Variants in NCKAP5 observed in about 807,000 individuals in gnomAD.
NCKAP5 encodes NCK associated protein 5, also known as nck-associated protein 5.
Under a neutral mutation model 167.0 loss-of-function variants are expected in NCKAP5, and 92 were observed. That is an observed-to-expected ratio of 0.55 (90% CI 0.47 to 0.66). The LOEUF is 0.66. NCKAP5 is among the 30% of genes least tolerant of loss of function. The pLI is 0.00. For synonymous variants in NCKAP5, 891 were observed against 877.4 expected (o/e 1.02, Z -0.27); for missense variants, 2,378 against 2,315.0 (o/e 1.03, Z -0.56).
chr2:133,174,363 T>A (rs957498349), intron 5 of NCKAP5, among the ~76,000 whole-genome samples: 4 of 152,182 alleles, frequency 2.6e-5, no homozygotes, highest in African/African-American at 9.7e-5. Flanking sequence ...TGTAGTAGGC[T>A]CTACCAGGTC....
intron 5 of NCKAP5, among the ~76,000 whole-genome samples, chr2:133,134,683 C>T (rs1209676640): frequency 6.6e-6 from 1 of 152,212 alleles, no homozygotes; most frequent in Non-Finnish European, 1.5e-5. Flanking sequence ...GTCTATACCT[C>T]ATAGCCTACA....
chr2:133,038,959 T>C (rs950802427), intron 6 of NCKAP5, among the ~76,000 whole-genome samples: 13 of 152,088 alleles, frequency 8.5e-5, no homozygotes, highest in South Asian at 8.3e-4. Context: ...TCCAAAAACA[T>C]TGCACACATC....
chr2:132,729,025 G>C (rs1297714390), intron 17 of NCKAP5, 73 bp from the exon 18 acceptor site: 1 of 1,574,596 alleles, frequency 6.4e-7, no homozygotes, highest in Admixed American at 1.8e-5. Flanking sequence ...GAAGGAGGTG[G>C]GGGAGACATT....
chr2:133,102,432 C>A (rs2081545408), intron 6 of NCKAP5, among the ~76,000 whole-genome samples: 3 of 152,308 alleles, frequency 2.0e-5, no homozygotes, highest in South Asian at 4.1e-4. Flanking sequence ...CAGGCATGAG[C>A]CATCACGCCT....
the NCKAP5 span, among the ~76,000 whole-genome samples, chr2:133,634,869 T>C: frequency 6.7e-6 from 1 of 149,946 alleles, no homozygotes; most frequent in Non-Finnish European, 1.5e-5. Context: ...TTCTTTCTTT[T>C]CTTTCTTTTT....
At chr2:133,120,049 G>T (rs556672403) in intron 6 of NCKAP5, among the ~76,000 whole-genome samples, 1 of 152,026 alleles carries the variant, frequency 6.6e-6, no homozygotes. Flanking sequence ...CTGCTAAAGC[G>T]GTTACAGAAA....
chr2:133,024,946 C>T (rs1443936676), intron 6 of NCKAP5, among the ~76,000 whole-genome samples: 1 of 152,114 alleles, frequency 6.6e-6, no homozygotes, highest in African/African-American at 2.4e-5. Context: ...TGACTATATG[C>T]CATATAGAAA....
intron 11 of NCKAP5, among the ~76,000 whole-genome samples, chr2:132,801,656 C>G (rs1007649467): frequency 6.6e-6 from 1 of 152,194 alleles, no homozygotes; most frequent in East Asian, 1.9e-4. Context: ...CCAAGCTAAG[C>G]TTTGGGGACC....
At chr2:133,213,877 C>T (rs2086313877) in intron 4 of NCKAP5, 98 bp from the exon 5 acceptor site, 13 of 1,170,242 alleles carry the variant, frequency 1.1e-5, no homozygotes, top group Non-Finnish European at 1.5e-5. Context: ...TAGAGGAATT[C>T]CTTCCTTGGT....
intron 3 of NCKAP5, among the ~76,000 whole-genome samples, chr2:133,509,211 A>C (rs947798581): frequency 5.9e-5 from 9 of 152,250 alleles, no homozygotes; most frequent in Non-Finnish European, 1.5e-5. Context: ...CTCCCCAGAA[A>C]AATGTACAAA....
chr2:133,644,691 A>T, the NCKAP5 span, among the ~76,000 whole-genome samples: 2 of 152,220 alleles, frequency 1.3e-5, no homozygotes, highest in Non-Finnish European at 2.9e-5. Flanking sequence ...ATGGATGCAC[A>T]TCTAGTCCCC....
chr2:132,999,645 A>G (rs1049769505), intron 6 of NCKAP5, among the ~76,000 whole-genome samples: 2 of 152,222 alleles, frequency 1.3e-5, no homozygotes, highest in Non-Finnish European at 1.5e-5. Flanking sequence ...GACTTATTCA[A>G]TAATGAAAGC....
intron 19 of NCKAP5, among the ~76,000 whole-genome samples, chr2:132,708,745 C>T (rs868230746): frequency 1.3e-5 from 2 of 152,170 alleles, no homozygotes; most frequent in African/African-American, 2.4e-5. Flanking sequence ...TGCCTTCTTA[C>T]GTCTTTCCCC....
chr2:133,045,354 T>C (rs1378953670), intron 6 of NCKAP5, among the ~76,000 whole-genome samples: 1 of 151,808 alleles, frequency 6.6e-6, no homozygotes, highest in East Asian at 1.9e-4. Flanking sequence ...CCCATGAAAA[T>C]GTTAAAAAGT....
At chr2:133,537,142 TCTAC>T (rs1685825852) in intron 2 of NCKAP5, among the ~76,000 whole-genome samples, 1 of 152,114 alleles carries the variant, frequency 6.6e-6, no homozygotes, top group South Asian at 2.1e-4. Flanking sequence ...CTCTTAATTC[TCTAC>T]CTGTGATGTA....
intron 3 of NCKAP5, among the ~76,000 whole-genome samples, chr2:133,464,607 G>A (rs1249208998): frequency 6.6e-6 from 1 of 152,138 alleles, no homozygotes; most frequent in African/African-American, 2.4e-5. Flanking sequence ...GGAGAATGGT[G>A]TGAACCTGGG....
the NCKAP5 span, among the ~76,000 whole-genome samples, chr2:133,622,580 AC>A: frequency 2.1e-3 from 320 of 151,956 alleles, 2 homozygotes; most frequent in Admixed American, 5.2e-3. Flanking sequence ...AACAAAAAAA[AC>A]AAGGAATATA....
intron 3 of NCKAP5, among the ~76,000 whole-genome samples, chr2:133,490,440 C>T (rs540949021): frequency 6.6e-6 from 1 of 152,278 alleles, no homozygotes; most frequent in African/African-American, 2.4e-5. Flanking sequence ...TTAAGACCTG[C>T]CCTGTGGTAA....
chr2:132,865,393 ATC>A (rs1366354813), intron 10 of NCKAP5, among the ~76,000 whole-genome samples: 2 of 152,148 alleles, frequency 1.3e-5, no homozygotes, highest in Non-Finnish European at 2.9e-5. Flanking sequence ...CTAGTTGACA[ATC>A]TCAGGATTAA....
Sources: gnomAD v4.1 joint callset for allele counts (sites outside exome capture counted in the v4.1 genomes callset) on GRCh38, gnomAD v4.1.1 for gene constraint, MANE v1.5 for transcripts, NCBI Gene and HGNC (gene_info 2026-07-23, HGNC 2026-07-21) for gene names.